ASGR2: variants seen among roughly 807,000 people sequenced by gnomAD.
ASGR2 encodes asialoglycoprotein receptor 2.
In ASGR2, 34 loss-of-function variants were observed where a neutral mutation model predicts 32.3. The ratio of observed to expected loss-of-function variants is 1.05; its 90% CI spans 0.80 to 1.40. The LOEUF (loss-of-function observed/expected upper bound fraction) is 1.40, where lower values mean the gene tolerates loss of function less well. Ranked by LOEUF, ASGR2 falls within the 40% of genes most tolerant of loss-of-function variation. ASGR2 has a pLI of 0.00. For missense variants in ASGR2, 385 were observed against 386.4 expected (o/e 1.00, Z 0.03); for synonymous variants, 143 against 150.0 (o/e 0.95, Z 0.34).
chr17:7,104,963 A>C (rs1039414542), intron 7 of ASGR2, among the ~76,000 whole-genome samples: 1 of 150,394 alleles, frequency 6.6e-6, no homozygotes, highest in Admixed American at 6.6e-5. Context: ...GCGACAGAGC[A>C]AGACTCCATC....
At chr17:7,105,938 G>A (rs1040676043) in intron 7 of ASGR2, among the ~76,000 whole-genome samples, 25 of 151,784 alleles carry the variant, frequency 1.6e-4, no homozygotes, top group Non-Finnish European at 3.1e-4. Context: ...ACAGGCACCC[G>A]CCACCATGCC....
rs549124847 is a variant in ASGR2 at position 7,105,452 on chromosome 17, C to T, written c.648+1548G>A. 9.2e-5 allele frequency among the ~76,000 whole-genome samples: 14 copies of T among 152,210 alleles called. No individual in the cohort carries two copies. In the East Asian group the frequency reaches 1.9e-3, roughly 21 times the overall value. Reference sequence around the variant, plus strand: ...CAATATTTTGGGAGGCCCAGGCGGGCGAATCGCTTGAGGCCAGGGGTTCAA... The same window carrying T: ...CAATATTTTGGGAGGCCCAGGCGGGTGAATCGCTTGAGGCCAGGGGTTCAA... On this transcript the variant is annotated intron_variant, in intron 7 of 8. Coordinates refer to ENST00000691900, the MANE Select transcript of ASGR2 (RefSeq NM_001201352.2).
rs116736979 is a variant in ASGR2, at chr17:7,103,202, C to T, written c.649-1006G>A. On this transcript the variant is annotated intron_variant, in intron 7 of 8. Coordinates refer to ENST00000691900, the MANE Select transcript of ASGR2 (RefSeq NM_001201352.2). ...TGAAGGACAATTGCCTAATTCTACTCTCACTCTCTAGAAAAACAACTAAGG... is the reference window on the plus strand; with the variant it reads ...TGAAGGACAATTGCCTAATTCTACTTTCACTCTCTAGAAAAACAACTAAGG... 1.2e-3 allele frequency among the ~76,000 whole-genome samples: 190 copies of T among 152,336 alleles called. 1 individual carries two copies. Among genetic ancestry groups the T allele is most frequent in the African/African-American group, 4.2e-3 (175 of 41,576 alleles).
chr17:7,114,167 C>G lies in ASGR2; in HGVS notation c.74G>C (p.Gly25Ala). The part of the protein sequence containing the change: ...ENDHPFHQGE[G>A]PGTRRLNPRR... ...GGGATTCAGCCTGCGAGTGCCTGGC[C>G]CCTCACCTTGATGGAAAGGATGGTC... Residue 25 changes from glycine to alanine, a missense_variant, in exon 2 of 9, where the codon GGG becomes GCG. Transcript: ENST00000691900. This position sits in a 1 kb window ranked among gnomAD's most constrained non-coding sequence, Gnocchi z 4.5. 1 of 1,614,160 alleles carries G rather than the reference C, an allele frequency of 6.2e-7. No individual in the cohort carries two copies. Among genetic ancestry groups the G allele is most frequent in the Non-Finnish European group, 8.5e-7 (1 of 1,180,044 alleles).
intron 7 of ASGR2, 35 bp downstream of exon 7, chr17:7,106,965 G>C: frequency 6.2e-7 from 1 of 1,612,070 alleles, no homozygotes; most frequent in East Asian, 2.2e-5. Context: ...GGCCTTCCAA[G>C]GGCTTCCTCC....
At position 7,101,717 on chromosome 17, in the gene ASGR2, T is replaced by C. The variant is rs891211453; in HGVS notation, c.779A>G (p.Asp260Gly). The change falls in exon 9 of 9, where the codon GAT becomes GGT. Residue 260 changes from aspartate to glycine, a missense_variant. By Grantham distance (94) the Asp-to-Gly change is moderately conservative. Coordinates refer to ENST00000691900, the MANE Select transcript of ASGR2 (RefSeq NM_001201352.2). ...ACCCAGCTCGTGCCCGTGCCAATTA[T>C]CTGGCTGAGTGACAGCCCAGTTCCT... Reference protein sequence around the residue: ...NYKNWAVTQPDNWHGHELGGS... With the variant: ...NYKNWAVTQPGNWHGHELGGS... The C allele has an allele frequency of 2.5e-5, 41 of 1,614,128 alleles. No individual in the cohort carries two copies. The highest frequency in any genetic ancestry group is 3.5e-5 in the Non-Finnish European group (41 of 1,180,016).
upstream of ASGR2, chr17:7,114,904 A>AG (rs1029549892): frequency 2.8e-4 from 271 of 984,894 alleles, no homozygotes; most frequent in Non-Finnish European, 3.0e-4. The surrounding 1 kb of genome is among the most constrained non-coding windows in gnomAD (Gnocchi z 4.5). Flanking sequence ...ATTCCCAGAG[A>AG]GGGGGGTCCC....
rs1347996882 is a variant in ASGR2 at position 7,108,797 on chromosome 17, C to A, written c.216G>T (p.Val72=). 5.0e-6 allele frequency: 8 copies of A among 1,614,042 alleles called. No individual in the cohort carries two copies. The highest frequency in any genetic ancestry group is 6.8e-6 in the Non-Finnish European group (8 of 1,179,986). The change falls in exon 3 of 9, where the codon GTG becomes GTT. Residue 72 remains valine (V), a synonymous_variant. Transcript: ENST00000691900. This position sits in a 1 kb window ranked among gnomAD's most constrained non-coding sequence, Gnocchi z 4.9. ...TTTGGGACCCAGTCACACAGATGAC[C>A]ACCAGCAGCAGGATGTTGAAGCTCA... ...LALSFNILLL[V]VICVTGSQSA...
Position 7,113,532 on chromosome 17 carries a change from ACACT to A in ASGR2, c.124+581_124+584del, listed in dbSNP as rs1370633045. On this transcript the variant is annotated intron_variant, in intron 2 of 8. Transcript: ENST00000691900. This position sits in a 1 kb window ranked among gnomAD's most constrained non-coding sequence, Gnocchi z 5.1. ...CAACGTACACACACACAACATACAC[ACACT>A]CATACACAACATACATACACACAAC... Among the ~76,000 whole-genome samples the A allele has an allele frequency of 7.7e-6, 1 of 129,966 alleles. No individual in the cohort carries two copies. Among genetic ancestry groups the A allele is most frequent in the African/African-American group, 2.9e-5 (1 of 34,272 alleles). 85.3% of individuals were successfully genotyped at this position (129,966 alleles called of 152,430 possible).
At chr17:7,114,862 TG>T, upstream of ASGR2, 3 of 978,864 alleles carry the variant, frequency 3.1e-6, no homozygotes, top group Non-Finnish European at 3.6e-6. This position sits in a 1 kb window ranked among gnomAD's most constrained non-coding sequence, Gnocchi z 4.5. Flanking sequence ...ATTTGTGGGG[TG>T]GGGGCAGGGG....
At chr17:7,112,604 C>T (rs372360274) in intron 2 of ASGR2, among the ~76,000 whole-genome samples, 300 of 152,312 alleles carry the variant, frequency 2.0e-3, no homozygotes, top group African/African-American at 5.0e-3. Flanking sequence ...GCGGACAGGG[C>T]CTCTGCCTGT....
chr17:7,103,121 A>T lies in ASGR2; in HGVS notation c.649-925T>A, dbSNP rs77809850. ...TGGAGAGGGATGGATCCGTTGAGCA[A>T]CGTGCACACTTAACAATTCCCTTTG... On this transcript the variant is annotated intron_variant, in intron 7 of 8. Coordinates refer to ENST00000691900, the MANE Select transcript of ASGR2 (RefSeq NM_001201352.2). Among the ~76,000 whole-genome samples, 692 of 152,326 alleles carry T rather than the reference A, an allele frequency of 4.5e-3. 10 individuals carry two copies. The highest frequency in any genetic ancestry group is 0.042 in the East Asian group (219 of 5,188).
At chr17:7,110,631 T>A (rs1914504704) in intron 2 of ASGR2, among the ~76,000 whole-genome samples, 1 of 152,244 alleles carries the variant, frequency 6.6e-6, no homozygotes, top group African/African-American at 2.4e-5. Context: ...ATCACAGTCG[T>A]AGCTACCCGA....
At position 7,113,299 on chromosome 17, in the gene ASGR2, CACACACATACAATCACAT is replaced by C. The variant is rs772209350; in HGVS notation, c.124+800_124+817del. 8.1e-5 allele frequency among the ~76,000 whole-genome samples: 10 copies of C among 124,002 alleles called. No homozygotes were observed. Among genetic ancestry groups the C allele is most frequent in the Non-Finnish European group, 1.2e-4 (7 of 57,380 alleles). The allele number at this position is 124,002 out of a possible 152,430, so 81.4% of individuals were successfully genotyped here. On this transcript the variant is annotated intron_variant, in intron 2 of 8. Transcript: ENST00000691900. This position sits in a 1 kb window ranked among gnomAD's most constrained non-coding sequence, Gnocchi z 5.1. The stretch of plus-strand genomic sequence containing the variant: ...CACCCCACCTCTACACACACACACA[CACACACATACAATCACAT>C]ACACACACTAACACACACACTCACG...
chr17:7,105,708 A>C (rs1913573899), intron 7 of ASGR2, among the ~76,000 whole-genome samples: 2 of 152,220 alleles, frequency 1.3e-5, no homozygotes, highest in South Asian at 4.1e-4. Context: ...AAACCTATAT[A>C]GGAGAAATAC....
chr17:7,104,353 A>T (rs1875913466), intron 7 of ASGR2, among the ~76,000 whole-genome samples: 3 of 148,270 alleles, frequency 2.0e-5, no homozygotes, highest in Admixed American at 6.7e-5. Flanking sequence ...TGTCTTAAAA[A>T]AAAAAAAAAA....
In ASGR2 at chr17:7,102,196, T is replaced by C. The variant is rs757149085; in HGVS notation, c.649A>G (p.Lys217Glu). The C allele has an allele frequency of 1.9e-6, 3 of 1,613,162 alleles. No individual in the cohort carries two copies. The highest frequency in any genetic ancestry group is 2.5e-6 in the Non-Finnish European group (3 of 1,179,236). ...LVVINSWEEQ[K>E]FIVQHTNPFN... ...GGGTTCGTGTGTTGTACAATGAATT[T>C]CTGGAAACACAGGCAAACAGGAAAT... The change falls in exon 8 of 9, where the codon AAA becomes GAA. Residue 217 changes from lysine to glutamate, a missense_variant and splice_region_variant. Coordinates refer to ENST00000691900, the MANE Select transcript of ASGR2 (RefSeq NM_001201352.2).
In ASGR2 at chr17:7,114,215, T is replaced by A. The variant is rs759815660; in HGVS notation, c.26A>T (p.Gln9Leu). ...GTCATTTTCCTCCGAGCTCAGCTGC[T>A]GGATATCTTGAAAGTCCTTGGCCAT... Reference protein sequence around the residue: MAKDFQDIQQLSSEENDHP... With the variant: MAKDFQDILQLSSEENDHP... Residue 9 changes from glutamine to leucine, a missense_variant, in exon 2 of 9, where the codon CAG becomes CTG. Transcript: ENST00000691900. The surrounding 1 kb of genome is among the most constrained non-coding windows in gnomAD (Gnocchi z 4.5). 1.1e-4 allele frequency: 179 copies of A among 1,614,062 alleles called. No homozygotes were observed. Among genetic ancestry groups the A allele is most frequent in the Non-Finnish European group, 1.5e-4 (175 of 1,180,040 alleles).
In ASGR2 at chr17:7,102,081, G is replaced by A; in HGVS notation, c.755+9C>T. 1.2e-6 allele frequency: 2 copies of A among 1,609,748 alleles called. No individual in the cohort carries two copies. Among genetic ancestry groups the A allele is most frequent in the African/African-American group, 1.3e-5 (1 of 74,948 alleles). On this transcript the variant is annotated intron_variant, in intron 8 of 8. Coordinates refer to ENST00000691900, the MANE Select transcript of ASGR2 (RefSeq NM_001201352.2). ...ATCTAACAAGGAGATGAGGGAAGAG[G>A]CCACTTACTTGTAGTTGTGCCTATA...
Sources: allele counts gnomAD v4.1 joint callset (sites outside exome capture counted in the v4.1 genomes callset), GRCh38; gene constraint gnomAD v4.1.1; non-coding constraint Gnocchi (gnomAD v3.1); transcripts MANE v1.5; gene names NCBI Gene and HGNC (gene_info 2026-07-23, HGNC 2026-07-21).